PREX1: variants seen among roughly 807,000 people sequenced by gnomAD.
The protein encoded by PREX1 is phosphatidylinositol-3,4,5-trisphosphate dependent Rac exchange factor 1.
PREX1 carries 41 observed loss-of-function variants against 198.3 expected under a neutral mutation model. The observed-to-expected ratio is 0.21, with a 90% CI of 0.16 to 0.27. The LOEUF is 0.27. Among genes scored for constraint, PREX1 ranks in the 10% least tolerant of loss-of-function variants. PREX1 has a pLI of 1.00. For synonymous variants in PREX1, 843 were observed against 887.2 expected, an observed-to-expected ratio of 0.95 and a Z score of 0.89; for missense variants, 1,620 against 2,200.7, an observed-to-expected ratio of 0.74 and a Z score of 5.28.
At chr20:48,626,928 C>T (rs760202531) in intron 39 of PREX1, among the ~76,000 whole-genome samples, 1 of 152,112 alleles carries the variant, frequency 6.6e-6, no homozygotes, top group Non-Finnish European at 1.5e-5. Flanking sequence ...TCCTAAAGGG[C>T]CTACATGTGG....
At chr20:48,628,209 C>T (rs1042469381) in intron 37 of PREX1, among the ~76,000 whole-genome samples, 3 of 152,192 alleles carry the variant, frequency 2.0e-5, no homozygotes, top group African/African-American at 7.2e-5. Context: ...CTGCAGAAGC[C>T]CTGTTGAGTT....
chr20:48,673,039 A>G (rs1031465785), intron 14 of PREX1, among the ~76,000 whole-genome samples: 3 of 151,470 alleles, frequency 2.0e-5, no homozygotes, highest in African/African-American at 4.8e-5. Flanking sequence ...TAAAAAAAAA[A>G]AAGTTAGCTA....
At chr20:48,697,368 GTTCT>G (rs759334027) in intron 7 of PREX1, among the ~76,000 whole-genome samples, 2 of 150,348 alleles carry the variant, frequency 1.3e-5, no homozygotes. Context: ...GAGCCTCTGT[GTTCT>G]TTTTTTCTTT....
At chr20:48,660,119 G>C in intron 15 of PREX1, 58 bp from the exon 16 acceptor site, 1 of 1,599,294 alleles carries the variant, frequency 6.3e-7, no homozygotes, top group Admixed American at 1.7e-5. Flanking sequence ...TTTCAGCCAT[G>C]TTTGCCAACT....
chr20:48,761,734 T>A (rs1398779119), intron 1 of PREX1, among the ~76,000 whole-genome samples: 1 of 152,038 alleles, frequency 6.6e-6, no homozygotes, highest in Non-Finnish European at 1.5e-5. Flanking sequence ...CATCCTTCCT[T>A]CAACAGATAT....
chr20:48,770,509 G>A (rs766751617), intron 1 of PREX1, among the ~76,000 whole-genome samples: 4 of 152,148 alleles, frequency 2.6e-5, no homozygotes, highest in East Asian at 3.9e-4. Flanking sequence ...TCAGGAGTTC[G>A]AGACCAGCCT....
intron 1 of PREX1, among the ~76,000 whole-genome samples, chr20:48,807,339 C>T (rs2090416319): frequency 6.6e-6 from 1 of 152,082 alleles, no homozygotes; most frequent in Non-Finnish European, 1.5e-5. Context: ...GGGTCCTGCT[C>T]TACATTTCAC....
In PREX1 at chr20:48,651,006, C is replaced by T. The variant is rs1292959583; in HGVS notation, c.2705G>A (p.Arg902Lys). 1.9e-6 allele frequency: 3 copies of T among 1,614,232 alleles called. No homozygotes were observed. The highest frequency in any genetic ancestry group is 2.5e-6 in the Non-Finnish European group (3 of 1,180,054). ...ANDSVFVENCRRLMALSSAIV... is the reference protein window; with the variant it reads ...ANDSVFVENCKRLMALSSAIV... ...GGCGCTGCTCAGGGCCATGAGCCGC[C>T]TGCAGTTCTCCACGAAGACGCTGTC... Residue 902 changes from arginine to lysine, a missense_variant, in exon 23 of 40, where the codon AGG becomes AAG. By Grantham distance (26) the Arg-to-Lys change is conservative. Coordinates refer to ENST00000371941, the MANE Select transcript of PREX1 (RefSeq NM_020820.4).
intron 1 of PREX1, among the ~76,000 whole-genome samples, chr20:48,803,663 G>A (rs1198193357): frequency 6.6e-6 from 1 of 152,178 alleles, no homozygotes; most frequent in Non-Finnish European, 1.5e-5. Context: ...CTGATATCCT[G>A]GAAGTCGTGC....
chr20:48,877,963 G>T, the PREX1 span, among the ~76,000 whole-genome samples: 1 of 152,138 alleles, frequency 6.6e-6, no homozygotes, highest in South Asian at 2.1e-4. Flanking sequence ...ACAAAAATTA[G>T]CCGGGCATGG....
chr20:48,758,679 G>A lies in PREX1; in HGVS notation c.220-10799C>T, dbSNP rs535356082. 3.5e-4 allele frequency among the ~76,000 whole-genome samples: 53 copies of A among 152,342 alleles called. No individual in the cohort carries two copies. The South Asian group carries it at 5.2e-3, about 15-fold the overall frequency. On this transcript the variant is annotated intron_variant, in intron 1 of 39. Transcript: ENST00000371941. ...CACAGGCAGTCCCCGGTCAGACGTG[G>A]AGGCAGGTTTCACGTGGAGCAGACA... is the stretch of plus-strand genomic sequence containing the variant.
chr20:48,777,470 A>G (rs2090267783), intron 1 of PREX1, among the ~76,000 whole-genome samples: 2 of 152,160 alleles, frequency 1.3e-5, no homozygotes, highest in African/African-American at 2.4e-5. Context: ...GCCTACAGAC[A>G]GGGCCTCCGG....
At chr20:48,810,366 T>G (rs1265702295) in intron 1 of PREX1, among the ~76,000 whole-genome samples, 3 of 151,740 alleles carry the variant, frequency 2.0e-5, no homozygotes, top group Non-Finnish European at 2.9e-5. Flanking sequence ...GAGAATCGCT[T>G]AAGTCCAGGA....
At chr20:48,725,390 C>T (rs1425697557) in intron 5 of PREX1, among the ~76,000 whole-genome samples, 1 of 152,240 alleles carries the variant, frequency 6.6e-6, no homozygotes, top group East Asian at 1.9e-4. Context: ...GTCCCCTGGG[C>T]TCAGGATCTG....
chr20:48,805,871 T>C (rs1015547765), intron 1 of PREX1, among the ~76,000 whole-genome samples: 7 of 152,160 alleles, frequency 4.6e-5, no homozygotes, highest in African/African-American at 1.7e-4. Flanking sequence ...CAAGCTTCAA[T>C]GTCCCCACCT....
At chr20:48,662,702 C>T (rs573660111) in intron 15 of PREX1, among the ~76,000 whole-genome samples, 1 of 152,254 alleles carries the variant, frequency 6.6e-6, no homozygotes, top group Non-Finnish European at 1.5e-5. Context: ...AATCGCCCAT[C>T]CTGCACCTCA....
At chr20:48,874,652 A>G in the PREX1 span, among the ~76,000 whole-genome samples, 2 of 152,066 alleles carry the variant, frequency 1.3e-5, no homozygotes, top group African/African-American at 4.8e-5. Flanking sequence ...TAAGGCAGGC[A>G]GATGACTTGA....
chr20:48,757,147 C>T (rs1380513109), intron 1 of PREX1, among the ~76,000 whole-genome samples: 1 of 152,142 alleles, frequency 6.6e-6, no homozygotes, highest in East Asian at 1.9e-4. Context: ...AATCAAATGC[C>T]AGTTCTTCTG....
chr20:48,812,477 ATAATG>A (rs1400159580), intron 1 of PREX1, among the ~76,000 whole-genome samples: 3 of 151,832 alleles, frequency 2.0e-5, no homozygotes, highest in Non-Finnish European at 4.4e-5. Flanking sequence ...GAATGGGTAA[ATAATG>A]TAAGAGGAAT....
Sources: gnomAD v4.1 joint callset for allele counts (sites outside exome capture counted in the v4.1 genomes callset) on GRCh38, gnomAD v4.1.1 for gene constraint, MANE v1.5 for transcripts, NCBI Gene and HGNC (gene_info 2026-07-23, HGNC 2026-07-21) for gene names.